NDUFA5: variants seen among roughly 807,000 people sequenced by gnomAD.
NDUFA5 encodes NADH:ubiquinone oxidoreductase subunit A5.
A neutral mutation model predicts 19.8 loss-of-function variants in NDUFA5; 11 were observed. That is an observed-to-expected ratio of 0.56 (90% CI 0.35 to 0.92). The LOEUF (loss-of-function observed/expected upper bound fraction) is 0.92, where lower values mean the gene tolerates loss of function less well. NDUFA5 is among the 40% of genes least tolerant of loss of function. The pLI, the probability that NDUFA5 is intolerant of heterozygous loss-of-function variation, is 0.01. For missense variants in NDUFA5, 109 were observed against 134.2 expected (o/e 0.81, Z 0.93); for synonymous variants, 47 against 46.8 (o/e 1.00, Z -0.01).
the NDUFA5 span, among the ~76,000 whole-genome samples, chr7:123,579,018 G>A: frequency 2.6e-5 from 4 of 151,992 alleles, no homozygotes; most frequent in African/African-American, 7.2e-5. Context: ...AATAGTGATT[G>A]TAGTACTAAT....
the NDUFA5 span, among the ~76,000 whole-genome samples, chr7:123,579,560 C>T: frequency 6.6e-6 from 1 of 151,980 alleles, no homozygotes; most frequent in Admixed American, 6.6e-5. Context: ...CCCACTGTAG[C>T]CTGAGGGCTT....
intron 1 of NDUFA5, 65 bp downstream of exon 1, chr7:123,557,710 T>A: frequency 6.2e-7 from 1 of 1,613,788 alleles, no homozygotes; most frequent in East Asian, 2.2e-5. Context: ...CCGCGGGAAG[T>A]AGGGCTATCG....
the NDUFA5 span, among the ~76,000 whole-genome samples, chr7:123,577,533 T>C: frequency 2.6e-5 from 4 of 152,202 alleles, no homozygotes; most frequent in African/African-American, 7.2e-5. Context: ...CATTTTGTCA[T>C]ACCTTATTTA....
chr7:123,588,461 C>T, the NDUFA5 span, among the ~76,000 whole-genome samples: 1 of 151,440 alleles, frequency 6.6e-6, no homozygotes, highest in African/African-American at 2.4e-5. Flanking sequence ...AAAAAGCCAA[C>T]TTTTGATCTT....
intron 2 of NDUFA5, among the ~76,000 whole-genome samples, chr7:123,552,184 A>G (rs1798367668): frequency 6.6e-6 from 1 of 152,062 alleles, no homozygotes; most frequent in African/African-American, 2.4e-5. Flanking sequence ...TCAATTAAAA[A>G]AAAAAAATGT....
At chr7:123,586,003 C>T in the NDUFA5 span, among the ~76,000 whole-genome samples, 13 of 151,810 alleles carry the variant, frequency 8.6e-5, no homozygotes, top group African/African-American at 2.9e-4. Context: ...GTTAATTCCA[C>T]CTCTTGCTTA....
the NDUFA5 span, among the ~76,000 whole-genome samples, chr7:123,563,746 G>T: frequency 4.6e-5 from 7 of 152,140 alleles, no homozygotes; most frequent in African/African-American, 1.7e-4. Context: ...CATATACGTG[G>T]CTGTTATCAC....
At chr7:123,550,631 C>A in intron 2 of NDUFA5, 45 bp from the exon 3 acceptor site, 2 of 1,147,032 alleles carry the variant, frequency 1.7e-6, no homozygotes, top group Non-Finnish European at 2.6e-6. Flanking sequence ...AAAATATTAC[C>A]AAAGACTTAA....
chr7:123,575,484 T>C, the NDUFA5 span, among the ~76,000 whole-genome samples: 5 of 152,248 alleles, frequency 3.3e-5, no homozygotes, highest in South Asian at 1.0e-3. Flanking sequence ...ACTTTAATTG[T>C]ATCACTTCTG....
At chr7:123,552,167 T>C (rs1408255191) in intron 2 of NDUFA5, among the ~76,000 whole-genome samples, 1 of 148,188 alleles carries the variant, frequency 6.7e-6, no homozygotes, top group African/African-American at 2.5e-5. Context: ...AAGAGCAACC[T>C]TTTTTTTCAA....
At chr7:123,571,025 C>T in the NDUFA5 span, among the ~76,000 whole-genome samples, 1 of 152,174 alleles carries the variant, frequency 6.6e-6, no homozygotes. Context: ...GACAGTGGTT[C>T]AAGAACCCCT....
At chr7:123,597,561 G>C in the NDUFA5 span, among the ~76,000 whole-genome samples, 1 of 152,146 alleles carries the variant, frequency 6.6e-6, no homozygotes, top group Non-Finnish European at 1.5e-5. Context: ...GCCAGACGTG[G>C]TGGCTCACGC....
the NDUFA5 span, among the ~76,000 whole-genome samples, chr7:123,568,284 G>A: frequency 6.6e-5 from 10 of 152,164 alleles, no homozygotes; most frequent in South Asian, 4.1e-4. Context: ...AGGCTGAGGC[G>A]GGCAGATCGC....
chr7:123,546,592 T>C, intron 3 of NDUFA5: 1 of 1,080,228 alleles, frequency 9.3e-7, no homozygotes, highest in Non-Finnish European at 1.2e-6. Flanking sequence ...CATATGTAAA[T>C]AAGGCTTTGT....
chr7:123,573,092 G>A, the NDUFA5 span, among the ~76,000 whole-genome samples: 3 of 151,932 alleles, frequency 2.0e-5, no homozygotes, highest in African/African-American at 7.3e-5. Flanking sequence ...TGCTCTAAAA[G>A]TACTCCCTGA....
At position 123,545,636 on chromosome 7, in the gene NDUFA5, C is replaced by G. The variant is rs1186242982; in HGVS notation, c.224G>C (p.Gly75Ala). The change falls in exon 4 of 5, where the codon GGT (glycine) becomes GCT (alanine). Residue 75 changes from glycine to alanine, a missense_variant. Coordinates refer to ENST00000355749, the MANE Select transcript of NDUFA5 (RefSeq NM_005000.5). ...VKKLEDQLQG[G>A]QLEEVILQAE... Reference sequence around the variant, plus strand: ...CTGAAGAATCACCTCTTCTAATTGACCGCCTTGAAGTTGGTCTTCTAATTT... The same window carrying G: ...CTGAAGAATCACCTCTTCTAATTGAGCGCCTTGAAGTTGGTCTTCTAATTT... 1.9e-6 allele frequency: 3 copies of G among 1,610,944 alleles called. No individual in the cohort carries two copies. The highest frequency in any genetic ancestry group is 2.5e-6 in the Non-Finnish European group (3 of 1,178,842).
the NDUFA5 span, among the ~76,000 whole-genome samples, chr7:123,570,541 CA>C: frequency 6.6e-6 from 1 of 152,166 alleles, no homozygotes; most frequent in Non-Finnish European, 1.5e-5. Flanking sequence ...AAGCCAAACA[CA>C]CTAAGAAACT....
rs1486482610 is a variant in NDUFA5, at chr7:123,537,071, T to C, written c.*5048A>G. On this transcript the variant is annotated 3_prime_UTR_variant, in exon 5 of 5. Coordinates refer to ENST00000355749, the MANE Select transcript of NDUFA5 (RefSeq NM_005000.5). ...GGAAAAAGCTTCTCAATTCCAAAAG[T>C]GAAAGAGTAATTTTACAATACCATT... 6.6e-6 allele frequency: 1 copy of C among 152,212 alleles called. No homozygotes were observed. The highest frequency in any genetic ancestry group is 1.5e-5 in the Non-Finnish European group (1 of 68,028). 9.4% of individuals were successfully genotyped at this position (152,212 alleles called of 1,614,324 possible). A position where few individuals can be genotyped will look rare whatever the true frequency, so the allele number is the denominator to read the frequency against.
At chr7:123,568,535 A>G in the NDUFA5 span, among the ~76,000 whole-genome samples, 1 of 151,938 alleles carries the variant, frequency 6.6e-6, no homozygotes, top group African/African-American at 2.4e-5. Flanking sequence ...AAAAAAAAAA[A>G]AAAAGAAAAT....
Sources: allele counts gnomAD v4.1 joint callset (sites outside exome capture counted in the v4.1 genomes callset), GRCh38; gene constraint gnomAD v4.1.1; transcripts MANE v1.5; gene names NCBI Gene and HGNC (gene_info 2026-07-23, HGNC 2026-07-21).